SPIRE2: variants seen among roughly 807,000 people sequenced by gnomAD.
SPIRE2 encodes the protein protein spire homolog 2.
In SPIRE2, 76 loss-of-function variants were observed where a neutral mutation model predicts 80.7. The ratio of observed to expected loss-of-function variants is 0.94; its 90% CI spans 0.78 to 1.14. SPIRE2 has a LOEUF of 1.14. SPIRE2 is among the 50% of genes most tolerant of loss of function. The pLI is 0.00. For missense variants in SPIRE2, 1,196 were observed against 1,015.3 expected (o/e 1.18, Z -2.42); for synonymous variants, 535 against 432.6 (o/e 1.24, Z -2.94).
chr16:89,832,255 G>A (rs1041520909), intron 1 of SPIRE2, among the ~76,000 whole-genome samples: 7 of 152,240 alleles, frequency 4.6e-5, no homozygotes, highest in Non-Finnish European at 1.0e-4. Flanking sequence ...GTGGCCTCGA[G>A]CCCGCAGCCA....
At chr16:89,835,145 C>G (rs1395940452) in intron 1 of SPIRE2, among the ~76,000 whole-genome samples, 2 of 150,362 alleles carry the variant, frequency 1.3e-5, no homozygotes, top group African/African-American at 4.9e-5. Flanking sequence ...CCTGCCCGCA[C>G]TCACGGTTGG....
intron 1 of SPIRE2, among the ~76,000 whole-genome samples, chr16:89,838,875 C>T (rs1223697317): frequency 6.6e-6 from 1 of 151,988 alleles, no homozygotes; most frequent in African/African-American, 2.4e-5. Context: ...CTCTTGTTCT[C>T]TTTCATGGCT....
At position 89,863,739 on chromosome 16, in the gene SPIRE2, C is replaced by G; in HGVS notation, c.1711-55C>G. 1 of 1,606,112 alleles carries G rather than the reference C, an allele frequency of 6.2e-7. No homozygotes were observed. On this transcript the variant is annotated intron_variant, in intron 11 of 14. Transcript: ENST00000378247. This position sits in a 1 kb window ranked among gnomAD's most constrained non-coding sequence, Gnocchi z 4.3. Reference sequence around the variant, plus strand: ...CCCTGAGGGGGTAGCAGGGACAGGGCGGGACCCCAGGGAGCTTTGGACAAA... The same window carrying G: ...CCCTGAGGGGGTAGCAGGGACAGGGGGGGACCCCAGGGAGCTTTGGACAAA...
At chr16:89,830,908 CTT>C (rs146029809) in intron 1 of SPIRE2, among the ~76,000 whole-genome samples, 55,611 of 116,378 alleles carry the variant, frequency 0.48, 12,598 homozygotes, top group East Asian at 0.64. Context: ...TGCTTAGAAT[CTT>C]TTTTTTTTTT....
rs191900720 is a variant in SPIRE2 at position 89,837,954 on chromosome 16, G to C, written c.245-7368G>C. 5.6e-4 allele frequency among the ~76,000 whole-genome samples: 85 copies of C among 152,258 alleles called. 1 individual carries two copies. Among genetic ancestry groups the C allele is most frequent in the African/African-American group, 1.4e-3 (57 of 41,560 alleles). On this transcript the variant is annotated intron_variant, in intron 1 of 14. Coordinates refer to ENST00000378247, the MANE Select transcript of SPIRE2 (RefSeq NM_032451.2). ...TAAACAAACACAGACTCCTGGTTTCGTGCGGGCGTTTCTCCCTCTGGGCTT... is the reference window on the plus strand; with the variant it reads ...TAAACAAACACAGACTCCTGGTTTCCTGCGGGCGTTTCTCCCTCTGGGCTT...
At chr16:89,847,119 A>T (rs769332091) in intron 2 of SPIRE2, 12 of 152,204 alleles carry the variant, frequency 7.9e-5, no homozygotes, top group African/African-American at 1.2e-4. Flanking sequence ...TTGATAATTT[A>T]AAAACAATAA....
rs374782379 is a variant in SPIRE2 at position 89,841,273 on chromosome 16, C to G, written c.245-4049C>G. 9.9e-4 allele frequency among the ~76,000 whole-genome samples: 151 copies of G among 152,024 alleles called. 5 individuals carry two copies. The South Asian group carries it at 0.029, about 29-fold the overall frequency. ...CCTGCAGGGAGAAATAGGCTCTTAACTCTTAGTGGTGGATGGAAACGAGGG... is the reference window on the plus strand; with the variant it reads ...CCTGCAGGGAGAAATAGGCTCTTAAGTCTTAGTGGTGGATGGAAACGAGGG... On this transcript the variant is annotated intron_variant, in intron 1 of 14. Transcript: ENST00000378247.
rs1252571751 is a variant in SPIRE2 at position 89,828,712 on chromosome 16, G to A, written c.162G>A (p.Ser54=). The A allele has an allele frequency of 3.2e-6, 4 of 1,265,754 alleles. No homozygotes were observed. Among genetic ancestry groups the A allele is most frequent in the Admixed American group, 3.4e-5 (1 of 29,368 alleles). The allele number at this position is 1,265,754 out of a possible 1,614,324, so 78.4% of individuals were successfully genotyped here. Residue 54 remains serine (S), a synonymous_variant, in exon 1 of 15, where the codon TCG becomes TCA. Coordinates refer to ENST00000378247, the MANE Select transcript of SPIRE2 (RefSeq NM_032451.2). This position sits in a 1 kb window ranked among gnomAD's most constrained non-coding sequence, Gnocchi z 5.9. ...AGGGCTGCCGCGGGCTGCGGGGCTC[G>A]CCGGGCCGGCGCCTGCGGGATACCG... is the stretch of plus-strand genomic sequence containing the variant. ...CFQGCRGLRG[S]PGRRLRDTGD...
intron 1 of SPIRE2, among the ~76,000 whole-genome samples, chr16:89,834,004 A>G (rs2041414098): frequency 6.6e-6 from 1 of 152,032 alleles, no homozygotes; most frequent in Admixed American, 6.6e-5. Context: ...ATATAGTCTC[A>G]CCTCTGAGCA....
At chr16:89,858,615 C>T in intron 8 of SPIRE2, 108 bp downstream of exon 8, 1 of 1,104,456 alleles carries the variant, frequency 9.1e-7, no homozygotes, top group South Asian at 1.9e-5. Flanking sequence ...TGCGGTGTCT[C>T]CTGTCCAGGA....
chr16:89,869,053 A>AAAAAACATATATATATATATATAT, intron 13 of SPIRE2, among the ~76,000 whole-genome samples: 2 of 24,030 alleles, frequency 8.3e-5, no homozygotes, highest in African/African-American at 3.3e-4. Context: ...AAAAAAAAAA[A>AAAAAACATATATATATATATATAT]ATATATATAT....
At chr16:89,856,004 C>A in intron 6 of SPIRE2, 109 bp from the exon 7 acceptor site, 7 of 1,510,654 alleles carry the variant, frequency 4.6e-6, no homozygotes, top group Non-Finnish European at 6.2e-6. Flanking sequence ...CCAGAGTGGG[C>A]CCGTGTCATG....
chr16:89,847,481 C>T (rs1389081097), intron 2 of SPIRE2, among the ~76,000 whole-genome samples: 1 of 152,224 alleles, frequency 6.6e-6, no homozygotes. Context: ...CCAAAGGGGG[C>T]CTGCCGTGGT....
chr16:89,870,025 C>T (rs750717847), intron 14 of SPIRE2, 25 bp from the exon 15 acceptor site: 5 of 1,601,024 alleles, frequency 3.1e-6, no homozygotes, highest in Non-Finnish European at 4.3e-6. Context: ...GCTCCTCTCC[C>T]TGAGTGCCCT....
At chr16:89,843,286 T>G (rs1346371182) in intron 1 of SPIRE2, among the ~76,000 whole-genome samples, 1 of 152,186 alleles carries the variant, frequency 6.6e-6, no homozygotes, top group South Asian at 2.1e-4. Context: ...TGTTTCCTCA[T>G]CTGTGAAACG....
rs545289204 is a variant in SPIRE2, at chr16:89,830,747, G to GAAA, written c.244+1958_244+1960dup. 1.0e-4 allele frequency among the ~76,000 whole-genome samples: 15 copies of GAAA among 150,480 alleles called. 1 individual carries two copies. The South Asian group carries it at 3.1e-3, about 31-fold the overall frequency. On this transcript the variant is annotated intron_variant, in intron 1 of 14. Transcript: ENST00000378247. ...GGCAGTAGGTGTGTAAAACCACTTT[G>GAAA]AAAAAAACCAACAACAAACTAGACC...
chr16:89,849,118 C>T (rs1204713879), intron 2 of SPIRE2, among the ~76,000 whole-genome samples: 1 of 152,254 alleles, frequency 6.6e-6, no homozygotes, highest in Non-Finnish European at 1.5e-5. Context: ...GGGCTCCCAG[C>T]AGTGGGTGGT....
chr16:89,850,850 T>G (rs57027421), intron 3 of SPIRE2, among the ~76,000 whole-genome samples, 190 bp downstream of exon 3: 64,195 of 151,812 alleles, frequency 0.42, 14,285 homozygotes, highest in East Asian at 0.76. Flanking sequence ...TGTTGTTGTT[T>G]TTTTAGACAG....
At chr16:89,869,001 A>G (rs1325478913) in intron 13 of SPIRE2, among the ~76,000 whole-genome samples, 1 of 135,764 alleles carries the variant, frequency 7.4e-6, no homozygotes, top group Non-Finnish European at 1.5e-5. Context: ...TCTGTACTCC[A>G]GCCTGGGCAA....
Sources: allele counts gnomAD v4.1 joint callset (sites outside exome capture counted in the v4.1 genomes callset), GRCh38; gene constraint gnomAD v4.1.1; non-coding constraint Gnocchi (gnomAD v3.1); transcripts MANE v1.5; gene names NCBI Gene and HGNC (gene_info 2026-07-23, HGNC 2026-07-21).